The following CDKL1 variants were observed in gnomAD, a reference collection of about 807,000 sequenced individuals.
The protein encoded by CDKL1 is cyclin dependent kinase like 1.
CDKL1 carries 41 observed loss-of-function variants against 42.0 expected under a neutral mutation model. The ratio of observed to expected loss-of-function variants is 0.98; its 90% CI spans 0.76 to 1.27. The LOEUF (loss-of-function observed/expected upper bound fraction) is 1.27, where lower values mean the gene tolerates loss of function less well. CDKL1 is among the 50% of genes most tolerant of loss of function. CDKL1 has a pLI of 0.00. For synonymous variants in CDKL1, 153 were observed against 158.6 expected, an observed-to-expected ratio of 0.96 and a Z score of 0.26; for missense variants, 394 against 428.4, an observed-to-expected ratio of 0.92 and a Z score of 0.71.
Position 50,374,887 on chromosome 14 carries a change from T to C in CDKL1, c.169-15738A>G, listed in dbSNP as rs117640444. On this transcript the variant is annotated intron_variant, in intron 2 of 9. Coordinates refer to ENST00000395834, the MANE Select transcript of CDKL1 (RefSeq NM_004196.7). ...ATGGAGAAATACTCAACTTGAACAA[T>C]GAGAACATATGGACACAGGGAGGGG... Among the ~76,000 whole-genome samples, 1,012 of 152,194 alleles carry C rather than the reference T, an allele frequency of 6.6e-3. 9 individuals are homozygous for C. Among genetic ancestry groups the C allele is most frequent in the Middle Eastern group, 0.01 (3 of 294 alleles).
intron 4 of CDKL1, chr14:50,342,478 G>A: frequency 8.2e-7 from 1 of 1,219,464 alleles, no homozygotes; most frequent in Non-Finnish European, 1.0e-6. Flanking sequence ...GGTCTTAGCA[G>A]AGAAAAATAC....
At chr14:50,396,648 G>C (rs1276059284) in intron 1 of CDKL1, 176 bp downstream of exon 1, 1 of 199,924 alleles carries the variant, frequency 5.0e-6, no homozygotes, top group Non-Finnish European at 8.9e-6. Flanking sequence ...GCTCCCCGCG[G>C]AGGCGGCGGC....
intron 6 of CDKL1, 68 bp downstream of exon 6, chr14:50,340,964 G>A: frequency 1.9e-6 from 3 of 1,552,196 alleles, no homozygotes; most frequent in Non-Finnish European, 2.6e-6. Flanking sequence ...CTGAGAACTT[G>A]GCTCTGCCCT....
At chr14:50,358,292 G>C in intron 3 of CDKL1, 1 of 400,210 alleles carries the variant, frequency 2.5e-6, no homozygotes, top group Non-Finnish European at 4.3e-6. Flanking sequence ...GAGTAATACA[G>C]CAGAGTAGAC....
rs1244231405 is a variant in CDKL1, at chr14:50,338,986, C to A, written c.699G>T (p.Gln233His). The change falls in exon 7 of 10, where the codon CAG (glutamine) becomes CAT (histidine). Residue 233 changes from glutamine to histidine, a missense_variant. Gln to His is a conservative substitution (Grantham distance 24). Coordinates refer to ENST00000395834, the MANE Select transcript of CDKL1 (RefSeq NM_004196.7). ...CTGGAATTTTCACTCCACTGAAGTACTGATTCGTGCTAAACACTTGCTGGT... is the reference window on the plus strand; with the variant it reads ...CTGGAATTTTCACTCCACTGAAGTAATGATTCGTGCTAAACACTTGCTGGT... ...PRHQQVFSTN[Q>H]YFSGVKIPDP... is the part of the protein sequence containing the mutation. 3 of 1,612,936 alleles carry A rather than the reference C, an allele frequency of 1.9e-6. No individual in the cohort carries two copies. The highest frequency in any genetic ancestry group is 8.5e-7 in the Non-Finnish European group (1 of 1,179,014).
chr14:50,377,559 G>T, intron 2 of CDKL1: 1 of 1,331,224 alleles, frequency 7.5e-7, no homozygotes, highest in South Asian at 1.2e-5. Context: ...GCCTTAGCTA[G>T]CAGGCCTTCA....
intron 2 of CDKL1, among the ~76,000 whole-genome samples, chr14:50,374,674 T>C (rs1191845751): frequency 1.3e-5 from 2 of 152,212 alleles, no homozygotes; most frequent in South Asian, 2.1e-4. Flanking sequence ...TTAATAAAGA[T>C]ACAGATGATT....
At chr14:50,385,262 TA>T (rs1416250003) in intron 2 of CDKL1, among the ~76,000 whole-genome samples, 1 of 151,998 alleles carries the variant, frequency 6.6e-6, no homozygotes, top group Non-Finnish European at 1.5e-5. Context: ...TAGTACCAAT[TA>T]GGGGACAAAA....
chr14:50,376,687 A>T (rs2034741062), intron 2 of CDKL1, among the ~76,000 whole-genome samples: 1 of 152,232 alleles, frequency 6.6e-6, no homozygotes, highest in Non-Finnish European at 1.5e-5. Context: ...AAAATATTTT[A>T]AAATCCTTCC....
chr14:50,329,910 C>A lies in CDKL1; in HGVS notation c.*164G>T. The A allele has an allele frequency of 1.3e-6, 1 of 780,374 alleles. No homozygotes were observed. The highest frequency in any genetic ancestry group is 1.9e-6 in the Non-Finnish European group (1 of 518,240). The allele number at this position is 780,374 out of a possible 1,614,324, so 48.3% of individuals were successfully genotyped here. On this transcript the variant is annotated 3_prime_UTR_variant, in exon 10 of 10. Coordinates refer to ENST00000395834, the MANE Select transcript of CDKL1 (RefSeq NM_004196.7). ...CATCATCAAGCATGGAAGACTGGATCTGGAATTTCCCTTCATATCTTGCCA... is the reference window on the plus strand; with the variant it reads ...CATCATCAAGCATGGAAGACTGGATATGGAATTTCCCTTCATATCTTGCCA...
rs2034156477 is a variant in CDKL1 at position 50,359,065 on chromosome 14, G to A, written c.253C>T (p.His85Tyr). 1 of 1,612,652 alleles carries A rather than the reference G, an allele frequency of 6.2e-7. No homozygotes were observed. ...CTGTCCAACTCATGGAGAACTGTGT[G>A]GTCACAATATTCAAACACCAGGTGA... ...RLHLVFEYCD[H>Y]TVLHELDRYQ... is the part of the protein sequence containing the mutation. Residue 85 changes from histidine (H) to tyrosine (Y), a missense_variant, in exon 3 of 10, where the codon CAC becomes TAC. His to Tyr is a moderately conservative substitution (Grantham distance 83). Transcript: ENST00000395834.
intron 2 of CDKL1, among the ~76,000 whole-genome samples, chr14:50,369,208 C>T (rs1157120526): frequency 6.6e-6 from 1 of 152,090 alleles, no homozygotes; most frequent in Non-Finnish European, 1.5e-5. Flanking sequence ...ATCCTGGTTA[C>T]CAAGAGTCTC....
intron 7 of CDKL1, chr14:50,335,595 C>G: frequency 6.5e-7 from 1 of 1,534,254 alleles, no homozygotes; most frequent in East Asian, 2.4e-5. Flanking sequence ...GTCAGGCAGA[C>G]AAACAGGCCA....
intron 2 of CDKL1, among the ~76,000 whole-genome samples, chr14:50,361,852 C>T (rs1566592675): frequency 1.3e-5 from 2 of 152,356 alleles, no homozygotes; most frequent in Admixed American, 6.5e-5. Context: ...CCCACTTTGG[C>T]GGCACTTGAG....
In CDKL1 at chr14:50,327,436, G is replaced by A. The variant is rs914719946; in HGVS notation, c.*2638C>T. On this transcript the variant is annotated 3_prime_UTR_variant, in exon 10 of 10. Transcript: ENST00000395834. Reference sequence around the variant, plus strand: ...ACTCTTATATGCCAGTTTGTTTATAGATTTCTGTGTGTTTGATTTGAACTT... The same window carrying A: ...ACTCTTATATGCCAGTTTGTTTATAAATTTCTGTGTGTTTGATTTGAACTT... The A allele has an allele frequency of 6.9e-6, 1 of 145,332 alleles. No individual in the cohort carries two copies. The highest frequency in any genetic ancestry group is 1.5e-5 in the Non-Finnish European group (1 of 66,478). The allele number at this position is 145,332 out of a possible 1,614,324, so 9.0% of individuals were successfully genotyped here. A position where few individuals can be genotyped will look rare whatever the true frequency, so the allele number is the denominator to read the frequency against.
chr14:50,332,194 C>T, intron 9 of CDKL1, 68 bp downstream of exon 9: 1 of 1,614,142 alleles, frequency 6.2e-7, no homozygotes, highest in South Asian at 1.1e-5. Flanking sequence ...GCCACAACTG[C>T]CATCCTCAAG....
chr14:50,357,800 C>G (rs1303193789), intron 3 of CDKL1, among the ~76,000 whole-genome samples: 1 of 152,194 alleles, frequency 6.6e-6, no homozygotes, highest in Non-Finnish European at 1.5e-5. Flanking sequence ...TTGATATAAG[C>G]CTGTGGCCAT....
intron 2 of CDKL1, among the ~76,000 whole-genome samples, chr14:50,385,178 A>G (rs2139529313): frequency 6.6e-6 from 1 of 151,776 alleles, no homozygotes; most frequent in South Asian, 2.1e-4. Context: ...ACAGATTATT[A>G]ATTATAAAGG....
At chr14:50,332,820 C>G (rs534467206) in intron 8 of CDKL1, 4 of 634,920 alleles carry the variant, frequency 6.3e-6, no homozygotes, top group Non-Finnish European at 8.0e-6. Flanking sequence ...GATATTTACA[C>G]ATGATAACAA....
Sources: gnomAD v4.1 joint callset for allele counts (sites outside exome capture counted in the v4.1 genomes callset) on GRCh38, gnomAD v4.1.1 for gene constraint, MANE v1.5 for transcripts, NCBI Gene and HGNC (gene_info 2026-07-23, HGNC 2026-07-21) for gene names.